ERLIN1: variants seen among roughly 807,000 people sequenced by gnomAD.
ERLIN1 encodes ER lipid raft associated 1, also known as erlin-1.
ERLIN1 carries 24 observed loss-of-function variants against 46.9 expected under a neutral mutation model. That is an observed-to-expected ratio of 0.51 (90% confidence interval 0.37 to 0.72). ERLIN1 has a LOEUF of 0.72. Among genes scored for constraint, ERLIN1 ranks in the 30% least tolerant of loss-of-function variants. The pLI, the probability that ERLIN1 is intolerant of heterozygous loss-of-function variation, is 0.00. For missense variants in ERLIN1, 293 were observed against 417.9 expected (o/e 0.70, Z 2.61); for synonymous variants, 158 against 143.2 (o/e 1.10, Z -0.74).
rs187006355 is a variant in ERLIN1 at position 100,164,667 on chromosome 10, T to C, written c.564-572A>G. ...TAAGGCTTCCAGTGTCTAATACAGGTTGAGCATTTCTGATCTGAAAATTTG... is the reference window on the plus strand; with the variant it reads ...TAAGGCTTCCAGTGTCTAATACAGGCTGAGCATTTCTGATCTGAAAATTTG... On this transcript the variant is annotated intron_variant, in intron 7 of 10. Transcript: ENST00000421367. 6.8e-4 allele frequency among the ~76,000 whole-genome samples: 103 copies of C among 152,342 alleles called. 1 individual carries two copies. Among genetic ancestry groups the C allele is most frequent in the Non-Finnish European group, 2.8e-4 (19 of 68,022 alleles).
At chr10:100,174,175 T>C in intron 6 of ERLIN1, 33 bp downstream of exon 6, 1 of 1,397,902 alleles carries the variant, frequency 7.2e-7, no homozygotes, top group South Asian at 1.2e-5. Context: ...GCTCTCAAAA[T>C]CCCCAGAGAA....
chr10:100,178,557 T>G (rs777526448), intron 3 of ERLIN1, among the ~76,000 whole-genome samples: 4 of 152,244 alleles, frequency 2.6e-5, no homozygotes, highest in Non-Finnish European at 4.4e-5. Context: ...AGTATCAGCA[T>G]CACCCAGGAA....
Position 100,151,333 on chromosome 10 carries a change from C to G in ERLIN1, c.*798G>C, listed in dbSNP as rs967605845. 1 of 152,758 alleles carries G rather than the reference C, an allele frequency of 6.5e-6. No individual in the cohort carries two copies. The highest frequency in any genetic ancestry group is 1.5e-5 in the Non-Finnish European group (1 of 68,320). The allele number at this position is 152,758 out of a possible 1,614,324, so 9.5% of individuals were successfully genotyped here. A position where few individuals can be genotyped will look rare whatever the true frequency, so the allele number is the denominator to read the frequency against. On this transcript the variant is annotated 3_prime_UTR_variant, in exon 11 of 11. Coordinates refer to ENST00000421367, the MANE Select transcript of ERLIN1 (RefSeq NM_006459.4). ...GCTAAAACCAGGTACCTTAGTCAAG[C>G]ATGGCCTGCGGCAGTGATGCTGACA... is the stretch of plus-strand genomic sequence containing the variant.
At chr10:100,181,994 C>T (rs1286087871) in intron 2 of ERLIN1, among the ~76,000 whole-genome samples, 1 of 152,000 alleles carries the variant, frequency 6.6e-6, no homozygotes, top group Non-Finnish European at 1.5e-5. Flanking sequence ...ATTTACATCT[C>T]TTATGATAGT....
Position 100,150,941 on chromosome 10 carries a change from G to C in ERLIN1, c.*1190C>G, listed in dbSNP as rs542827361. On this transcript the variant is annotated 3_prime_UTR_variant, in exon 11 of 11. Transcript: ENST00000421367. The stretch of plus-strand genomic sequence containing the variant: ...GTCAGTGGAATCCTGATCTCCTGGG[G>C]GAGGTGACAGCTGGAGAAACAACTT... 83 of 152,354 alleles carry C rather than the reference G, an allele frequency of 5.4e-4. No individual in the cohort carries two copies. Among genetic ancestry groups the C allele is most frequent in the African/African-American group, 1.9e-3 (81 of 41,566 alleles). The allele number at this position is 152,354 out of a possible 1,614,324, so 9.4% of individuals were successfully genotyped here. A position where few individuals can be genotyped will look rare whatever the true frequency, so the allele number is the denominator to read the frequency against.
At chr10:100,169,246 C>T (rs1398577653) in intron 6 of ERLIN1, among the ~76,000 whole-genome samples, 1 of 152,034 alleles carries the variant, frequency 6.6e-6, no homozygotes, top group Non-Finnish European at 1.5e-5. Context: ...TGCTCTTAAC[C>T]TCAAATAATA....
intron 8 of ERLIN1, among the ~76,000 whole-genome samples, chr10:100,162,612 T>TTG (rs1237252588): frequency 6.6e-6 from 1 of 152,208 alleles, no homozygotes; most frequent in East Asian, 1.9e-4. Context: ...CCTTACCTTT[T>TTG]TGTGTGTGTA....
At chr10:100,179,079 G>C in intron 3 of ERLIN1, 122 bp downstream of exon 3, 1 of 708,660 alleles carries the variant, frequency 1.4e-6, no homozygotes, top group Non-Finnish European at 2.5e-6. Flanking sequence ...ACAATGCTCA[G>C]ATCAGAAGTC....
chr10:100,163,769 G>C (rs1027477117), intron 8 of ERLIN1, among the ~76,000 whole-genome samples: 1 of 152,152 alleles, frequency 6.6e-6, no homozygotes, highest in Non-Finnish European at 1.5e-5. Context: ...CCCTGTTCTT[G>C]AAAGAGACAA....
chr10:100,177,951 G>A (rs916479055), intron 4 of ERLIN1, among the ~76,000 whole-genome samples, 182 bp downstream of exon 4: 3 of 152,170 alleles, frequency 2.0e-5, no homozygotes, highest in Non-Finnish European at 4.4e-5. Context: ...TCATACAGTT[G>A]CAGAAAGTCA....
At chr10:100,169,874 C>T (rs1843886726) in intron 6 of ERLIN1, among the ~76,000 whole-genome samples, 1 of 152,018 alleles carries the variant, frequency 6.6e-6, no homozygotes, top group Non-Finnish European at 1.5e-5. Flanking sequence ...AAAAATTAGC[C>T]AGATGTGGGG....
chr10:100,167,560 T>C (rs1000941766), intron 6 of ERLIN1, among the ~76,000 whole-genome samples, 154 bp from the exon 7 acceptor site: 1 of 152,162 alleles, frequency 6.6e-6, no homozygotes, highest in Non-Finnish European at 1.5e-5. Context: ...CACCAGAACA[T>C]TTACTTTTCA....
rs1842825950 is a variant in ERLIN1, at chr10:100,152,033, T to C, written c.*98A>G. The C allele has an allele frequency of 1.3e-6, 1 of 797,116 alleles. No homozygotes were observed. The allele number at this position is 797,116 out of a possible 1,614,324, so 49.4% of individuals were successfully genotyped here. Reference sequence around the variant, plus strand: ...CGCAGGAGAGGTGGAACAGATGAAGTGTAAGTTCTCTGTAAATCTGAAGAG... The same window carrying C: ...CGCAGGAGAGGTGGAACAGATGAAGCGTAAGTTCTCTGTAAATCTGAAGAG... On this transcript the variant is annotated 3_prime_UTR_variant, in exon 11 of 11. Transcript: ENST00000421367.
At chr10:100,185,067 C>A (rs1844885032) in intron 1 of ERLIN1, among the ~76,000 whole-genome samples, 1 of 151,892 alleles carries the variant, frequency 6.6e-6, no homozygotes, top group Non-Finnish European at 1.5e-5. Flanking sequence ...ACATAAGCAC[C>A]ATCACAGTCA....
chr10:100,182,769 T>G (rs1844736130), intron 2 of ERLIN1, among the ~76,000 whole-genome samples: 1 of 152,190 alleles, frequency 6.6e-6, no homozygotes, highest in South Asian at 2.1e-4. Context: ...GGATGAGCCT[T>G]TAAAAGCCTG....
At chr10:100,152,397 G>A (rs1564794388) in intron 10 of ERLIN1, 45 bp from the exon 11 acceptor site, 6 of 1,076,918 alleles carry the variant, frequency 5.6e-6, no homozygotes, top group Non-Finnish European at 8.7e-6. Flanking sequence ...ATACTCTGGT[G>A]CAACAGTCTT....
At chr10:100,161,399 T>C (rs1241143131) in intron 8 of ERLIN1, among the ~76,000 whole-genome samples, 1 of 152,216 alleles carries the variant, frequency 6.6e-6, no homozygotes, top group Admixed American at 6.5e-5. Flanking sequence ...GCAAGAACTT[T>C]AGAAGAAAAT....
intron 2 of ERLIN1, among the ~76,000 whole-genome samples, chr10:100,181,429 C>T (rs1037913691): frequency 6.6e-5 from 10 of 151,880 alleles, no homozygotes; most frequent in Non-Finnish European, 1.5e-4. Flanking sequence ...GTTTGTTAAA[C>T]CATTTGTTTA....
chr10:100,170,480 TA>T (rs1419677746), intron 6 of ERLIN1, among the ~76,000 whole-genome samples: 1 of 152,170 alleles, frequency 6.6e-6, no homozygotes, highest in East Asian at 1.9e-4. Context: ...TAAATATAAG[TA>T]AATTCAAAAG....
Sources: gnomAD v4.1 joint callset for allele counts (sites outside exome capture counted in the v4.1 genomes callset) on GRCh38, gnomAD v4.1.1 for gene constraint, MANE v1.5 for transcripts, NCBI Gene and HGNC (gene_info 2026-07-23, HGNC 2026-07-21) for gene names.